SIMC1: variants seen among roughly 807,000 people sequenced by gnomAD.
The protein encoded by SIMC1 is SUMO-interacting motif-containing protein 1.
Under a neutral mutation model 82.3 loss-of-function variants are expected in SIMC1, and 55 were observed. The observed-to-expected ratio is 0.67, with a 90% CI of 0.54 to 0.84. The LOEUF is 0.84. Ranked by LOEUF, SIMC1 falls within the 40% of genes least tolerant of loss-of-function variation. The pLI is 0.00. For missense variants in SIMC1, 915 were observed against 1,107.2 expected (o/e 0.83, Z 2.46); for synonymous variants, 353 against 426.3 (o/e 0.83, Z 2.12).
At chr5:176,277,265 C>G (rs1007418276) in intron 1 of SIMC1, among the ~76,000 whole-genome samples, 6 of 151,698 alleles carry the variant, frequency 4.0e-5, no homozygotes, top group African/African-American at 1.5e-4. Flanking sequence ...AGTGTCTGTT[C>G]ATGTCCTTCG....
At chr5:176,294,837 C>T (rs1425384188) in intron 2 of SIMC1, 193 bp from the exon 3 acceptor site, 7 of 630,768 alleles carry the variant, frequency 1.1e-5, no homozygotes, top group African/African-American at 5.6e-5. Context: ...TGGTGGTGGG[C>T]GCCTGTAGTC....
intron 4 of SIMC1, among the ~76,000 whole-genome samples, chr5:176,310,880 TAAAAATA>T (rs1435333095): frequency 1.3e-5 from 2 of 151,386 alleles, no homozygotes; most frequent in Non-Finnish European, 2.9e-5. Context: ...TAGCAAAAAA[TAAAAATA>T]AAAAATAAAA....
intron 5 of SIMC1, among the ~76,000 whole-genome samples, chr5:176,316,124 G>A (rs915441325): frequency 3.3e-5 from 5 of 151,564 alleles, no homozygotes; most frequent in African/African-American, 1.2e-4. Context: ...GCAGTAAGCC[G>A]AGATCACACC....
chr5:176,339,057 C>A (rs973662452), intron 9 of SIMC1, among the ~76,000 whole-genome samples: 1 of 152,150 alleles, frequency 6.6e-6, no homozygotes, highest in Admixed American at 6.5e-5. Flanking sequence ...ACTGTTGTAA[C>A]TCACACTTAA....
At chr5:176,314,005 A>T (rs191660749) in intron 5 of SIMC1, among the ~76,000 whole-genome samples, 160 bp downstream of exon 5, 1 of 152,280 alleles carries the variant, frequency 6.6e-6, no homozygotes, top group East Asian at 1.9e-4. Context: ...AGTGATTCAC[A>T]CCTGTAATCC....
At chr5:176,273,343 A>C (rs1762530187) in intron 1 of SIMC1, among the ~76,000 whole-genome samples, 1 of 152,152 alleles carries the variant, frequency 6.6e-6, no homozygotes, top group Non-Finnish European at 1.5e-5. Context: ...ACCTCCAGCA[A>C]ACTCCAACAA....
intron 1 of SIMC1, among the ~76,000 whole-genome samples, chr5:176,269,353 A>C (rs1762331288): frequency 1.3e-5 from 2 of 152,280 alleles, no homozygotes; most frequent in African/African-American, 2.4e-5. Context: ...AAATCTATAC[A>C]GAGTATAGAA....
intron 7 of SIMC1, among the ~76,000 whole-genome samples, chr5:176,325,988 TA>T (rs1765378805): frequency 6.6e-6 from 1 of 152,186 alleles, no homozygotes; most frequent in Non-Finnish European, 1.5e-5. Context: ...GGTTTTTGGC[TA>T]AAAACAATGA....
At chr5:176,314,575 T>A (rs1764816334) in intron 5 of SIMC1, among the ~76,000 whole-genome samples, 1 of 152,260 alleles carries the variant, frequency 6.6e-6, no homozygotes, top group Admixed American at 6.5e-5. Flanking sequence ...CAATAGGTCA[T>A]GTAGCTGACA....
chr5:176,244,753 C>T (rs1455282743), intron 1 of SIMC1, among the ~76,000 whole-genome samples: 5 of 122,332 alleles, frequency 4.1e-5, no homozygotes, highest in Non-Finnish European at 8.2e-5. Flanking sequence ...GGGAGTTTCA[C>T]TCTTGTTGCC....
intron 4 of SIMC1, chr5:176,304,257 G>GGAC (rs1764176270): frequency 3.7e-5 from 5 of 135,828 alleles, no homozygotes; most frequent in African/African-American, 1.3e-4. Flanking sequence ...AGCCGAAGCT[G>GGAC]GACTGTACTG....
chr5:176,242,481 G>A (rs1030221520), intron 1 of SIMC1, among the ~76,000 whole-genome samples: 3 of 147,594 alleles, frequency 2.0e-5, no homozygotes, highest in Non-Finnish European at 4.4e-5. Context: ...ATGCATTCAG[G>A]ACATATCTTT....
chr5:176,284,315 C>T (rs866842986), intron 1 of SIMC1, among the ~76,000 whole-genome samples: 25 of 152,292 alleles, frequency 1.6e-4, no homozygotes, highest in South Asian at 1.0e-3. Context: ...GAAATTATAA[C>T]AAACTGTTTC....
chr5:176,274,587 A>G (rs552026887), intron 1 of SIMC1, among the ~76,000 whole-genome samples: 2 of 151,916 alleles, frequency 1.3e-5, no homozygotes, highest in African/African-American at 2.4e-5. Context: ...GCCCTTGCCT[A>G]TGTCCTGAAT....
intron 1 of SIMC1, among the ~76,000 whole-genome samples, chr5:176,288,134 A>G (rs530722140): frequency 6.6e-6 from 1 of 152,224 alleles, no homozygotes; most frequent in African/African-American, 2.4e-5. Flanking sequence ...TAGTCCAGGC[A>G]CAGTGGCTCG....
rs758338112 is a variant in SIMC1 at position 176,313,501 on chromosome 5, C to A, written c.1735-190C>A. The A allele has an allele frequency of 4.5e-6, 7 of 1,550,238 alleles. No individual in the cohort carries two copies. The South Asian group carries it at 7.0e-5, about 15-fold the overall frequency. ...CCTTATAAGGTATGATTTTTTTCAG[C>A]AGTCACCCTATTTGTCCTCTCTCAT... On this transcript the variant is annotated intron_variant, in intron 4 of 9. Transcript: ENST00000429602.
chr5:176,264,988 G>A (rs560535964), intron 1 of SIMC1, among the ~76,000 whole-genome samples: 1 of 152,210 alleles, frequency 6.6e-6, no homozygotes, highest in East Asian at 1.9e-4. Context: ...GAGCAAGATA[G>A]GGAGATACCA....
chr5:176,315,005 T>A (rs1764836653), intron 5 of SIMC1, among the ~76,000 whole-genome samples: 1 of 152,192 alleles, frequency 6.6e-6, no homozygotes, highest in African/African-American at 2.4e-5. Flanking sequence ...CAATGTTCGG[T>A]AGATTGGGTG....
intron 1 of SIMC1, among the ~76,000 whole-genome samples, chr5:176,251,625 G>A (rs182585602): frequency 6.7e-6 from 1 of 149,954 alleles, no homozygotes; most frequent in African/African-American, 2.5e-5. Context: ...GGTGTTTCTC[G>A]CAGAGGGGGA....
Sources: gnomAD v4.1 joint callset for allele counts (sites outside exome capture counted in the v4.1 genomes callset) on GRCh38, gnomAD v4.1.1 for gene constraint, MANE v1.5 for transcripts, NCBI Gene and HGNC (gene_info 2026-07-23, HGNC 2026-07-21) for gene names.